ZSWIM6: variants seen among roughly 807,000 people sequenced by gnomAD.
The protein encoded by ZSWIM6 is zinc finger SWIM domain-containing protein 6.
Under a neutral mutation model 113.2 loss-of-function variants are expected in ZSWIM6, and 9 were observed. The ratio of observed to expected loss-of-function variants is 0.08; its 90% CI spans 0.05 to 0.14. The LOEUF (loss-of-function observed/expected upper bound fraction) is 0.14, where lower values mean the gene tolerates loss of function less well. Ranked by LOEUF, ZSWIM6 falls within the 10% of genes least tolerant of loss-of-function variation. The pLI, the probability that ZSWIM6 is intolerant of heterozygous loss-of-function variation, is 1.00. For synonymous variants in ZSWIM6, 611 were observed against 606.5 expected, an observed-to-expected ratio of 1.01 and a Z score of -0.11; for missense variants, 1,162 against 1,552.2, an observed-to-expected ratio of 0.75 and a Z score of 4.22.
intron 1 of ZSWIM6, among the ~76,000 whole-genome samples, chr5:61,371,751 T>TA (rs1382841054): frequency 6.6e-6 from 1 of 152,076 alleles, no homozygotes; most frequent in Non-Finnish European, 1.5e-5. Flanking sequence ...TCAAGGGGTG[T>TA]AAATAACTAA....
intron 1 of ZSWIM6, among the ~76,000 whole-genome samples, chr5:61,468,586 C>T (rs561804486): frequency 6.6e-6 from 1 of 152,310 alleles, no homozygotes; most frequent in East Asian, 1.9e-4. Flanking sequence ...AGCTGGTCAT[C>T]ATAGTTTGTC....
At chr5:61,434,931 AT>A (rs546602386) in intron 1 of ZSWIM6, among the ~76,000 whole-genome samples, 107 of 152,386 alleles carry the variant, frequency 7.0e-4, no homozygotes, top group African/African-American at 2.5e-3. Flanking sequence ...GATAAGGTTT[AT>A]GAAAATACAA....
intron 1 of ZSWIM6, among the ~76,000 whole-genome samples, chr5:61,432,817 A>G (rs991693258): frequency 2.5e-4 from 38 of 152,212 alleles, no homozygotes; most frequent in African/African-American, 8.9e-4. Context: ...ATGTTCTAAA[A>G]TAAATGACCA....
chr5:61,535,971 A>G (rs1056539393), intron 10 of ZSWIM6, among the ~76,000 whole-genome samples: 1 of 152,264 alleles, frequency 6.6e-6, no homozygotes, highest in Non-Finnish European at 1.5e-5. Flanking sequence ...AGCAGTAGTA[A>G]ATAGTAAATA....
In ZSWIM6 at chr5:61,531,504, T is replaced by C; in HGVS notation, c.2024T>C (p.Leu675Pro). The change falls in exon 9 of 14, where the codon CTA becomes CCA. Residue 675 changes from leucine (L) to proline (P), a missense_variant. Transcript: ENST00000252744. ...GQCKSLEYQH[L>P]PAHKFLEEGE... ...TGCAAGTCTCTGGAATACCAGCATCTACCTGCACACAAATTCTTAGAAGAA... is the reference window on the plus strand; with the variant it reads ...TGCAAGTCTCTGGAATACCAGCATCCACCTGCACACAAATTCTTAGAAGAA... 6.4e-7 allele frequency: 1 copy of C among 1,551,692 alleles called. No homozygotes were observed.
In ZSWIM6 at chr5:61,525,810, C is replaced by T; in HGVS notation, c.1524C>T (p.Asn508=). The T allele has an allele frequency of 1.9e-6, 3 of 1,551,630 alleles. No individual in the cohort carries two copies. The highest frequency in any genetic ancestry group is 2.6e-6 in the Non-Finnish European group (3 of 1,146,944). Residue 508 remains asparagine (N), a synonymous_variant, in exon 6 of 14, where the codon AAC becomes AAT. Coordinates refer to ENST00000252744, the MANE Select transcript of ZSWIM6 (RefSeq NM_020928.2). ...QGANANQDSS[N]RPHRTVFTRA... is the part of the protein sequence containing the mutation. ...TTGTGGAAAAAACAGATTCATCGAACAGGCCACATCGGACAGTGTTCACCC... is the reference window on the plus strand; with the variant it reads ...TTGTGGAAAAAACAGATTCATCGAATAGGCCACATCGGACAGTGTTCACCC...
At chr5:61,394,659 A>C (rs535380782) in intron 1 of ZSWIM6, among the ~76,000 whole-genome samples, 158 of 152,324 alleles carry the variant, frequency 1.0e-3, no homozygotes, top group African/African-American at 3.6e-3. Flanking sequence ...CAAAAGAGAA[A>C]GGGACACTTG....
intron 1 of ZSWIM6, among the ~76,000 whole-genome samples, chr5:61,413,779 A>G (rs1746192458): frequency 6.6e-6 from 1 of 152,056 alleles, no homozygotes; most frequent in African/African-American, 2.4e-5. Flanking sequence ...GCCAGTGATG[A>G]TGAGCATTTT....
chr5:61,480,736 C>T (rs1747835278), intron 2 of ZSWIM6, among the ~76,000 whole-genome samples: 1 of 152,178 alleles, frequency 6.6e-6, no homozygotes, highest in Non-Finnish European at 1.5e-5. Flanking sequence ...CTCCTCTCTG[C>T]TGTAAAGAAA....
At chr5:61,443,334 ACATAC>A (rs1746877372) in intron 1 of ZSWIM6, among the ~76,000 whole-genome samples, 1 of 152,212 alleles carries the variant, frequency 6.6e-6, no homozygotes, top group African/African-American at 2.4e-5. Flanking sequence ...CTAAATGAAG[ACATAC>A]CAGAATTTCA....
intron 1 of ZSWIM6, among the ~76,000 whole-genome samples, chr5:61,358,967 T>A: frequency 6.6e-6 from 1 of 152,172 alleles, no homozygotes; most frequent in Non-Finnish European, 1.5e-5. Context: ...TCTGGGAACT[T>A]TAATCTCTCA....
chr5:61,504,754 A>G (rs1748555495), intron 4 of ZSWIM6, among the ~76,000 whole-genome samples: 1 of 152,132 alleles, frequency 6.6e-6, no homozygotes, highest in Admixed American at 6.5e-5. Flanking sequence ...AAATGAATGG[A>G]GGGGCATTGT....
chr5:61,512,243 G>T (rs1328894217), intron 4 of ZSWIM6, among the ~76,000 whole-genome samples: 1 of 151,900 alleles, frequency 6.6e-6, no homozygotes, highest in African/African-American at 2.4e-5. Context: ...TTTGATTCTG[G>T]CTTCCTTTAT....
Position 61,390,926 on chromosome 5 carries a change from C to T in ZSWIM6, c.676+57978C>T, listed in dbSNP as rs1579970950. On this transcript the variant is annotated intron_variant, in intron 1 of 13. Transcript: ENST00000252744. Reference sequence around the variant, plus strand: ...TCACTTCACCATAGTGGACAAAGGCCCCCAGAGGGTGGCTTGTCAGACAGG... The same window carrying T: ...TCACTTCACCATAGTGGACAAAGGCTCCCAGAGGGTGGCTTGTCAGACAGG... 6.1e-6 allele frequency: 5 copies of T among 825,522 alleles called. No homozygotes were observed. The East Asian group carries it at 9.9e-5, about 16-fold the overall frequency. The allele number at this position is 825,522 out of a possible 1,614,324, so 51.1% of individuals were successfully genotyped here.
At chr5:61,418,286 G>T (rs1232775716) in intron 1 of ZSWIM6, among the ~76,000 whole-genome samples, 2 of 151,730 alleles carry the variant, frequency 1.3e-5, no homozygotes, top group Non-Finnish European at 2.9e-5. Flanking sequence ...TTATTTTTTT[G>T]AGGCGAAATC....
intron 1 of ZSWIM6, among the ~76,000 whole-genome samples, chr5:61,369,838 T>A (rs1561210688): frequency 6.6e-6 from 1 of 152,230 alleles, no homozygotes; most frequent in South Asian, 2.1e-4. Flanking sequence ...ATGATTTTTT[T>A]ATCTAATGAT....
chr5:61,333,722 A>T (rs982620776), intron 1 of ZSWIM6, among the ~76,000 whole-genome samples: 1 of 152,068 alleles, frequency 6.6e-6, no homozygotes, highest in South Asian at 2.1e-4. Context: ...AAAGGGCGCG[A>T]GCCTGAGGAG....
chr5:61,362,555 C>T (rs952268645), intron 1 of ZSWIM6, among the ~76,000 whole-genome samples: 1 of 152,118 alleles, frequency 6.6e-6, no homozygotes, highest in African/African-American at 2.4e-5. Context: ...CAGGGAGCCT[C>T]AGCTCATGAT....
At chr5:61,502,026 A>T (rs1327926872) in intron 4 of ZSWIM6, among the ~76,000 whole-genome samples, 1 of 152,162 alleles carries the variant, frequency 6.6e-6, no homozygotes, top group African/African-American at 2.4e-5. Context: ...AGAGAGTACT[A>T]TCATGGTAGG....
Sources: allele counts gnomAD v4.1 joint callset (sites outside exome capture counted in the v4.1 genomes callset), GRCh38; gene constraint gnomAD v4.1.1; transcripts MANE v1.5; gene names NCBI Gene and HGNC (gene_info 2026-07-23, HGNC 2026-07-21).